Variants in CDC14A observed in about 807,000 individuals in gnomAD.
CDC14A encodes the protein cell division cycle 14A, also known as dual specificity protein phosphatase CDC14A.
A neutral mutation model predicts 74.4 loss-of-function variants in CDC14A; 53 were observed. That is an observed-to-expected ratio of 0.71 (90% confidence interval 0.57 to 0.89). The LOEUF (loss-of-function observed/expected upper bound fraction) is 0.89. Ranked by LOEUF, CDC14A falls within the 40% of genes least tolerant of loss-of-function variation. The pLI, the probability that CDC14A is intolerant of heterozygous loss-of-function variation, is 0.00. For synonymous variants in CDC14A, 247 were observed against 258.4 expected (o/e 0.96, Z 0.43); for missense variants, 646 against 713.7 (o/e 0.91, Z 1.08).
At position 100,519,704 on chromosome 1, in the gene CDC14A, A is replaced by G. The variant is rs1010196543; in HGVS notation, c.*1424A>G. ...AGGTTTGTTAAATTAACCTTCAGTA[A>G]CTGCAGTACCAAAAATTACACTCAA... On this transcript the variant is annotated 3_prime_UTR_variant, in exon 16 of 16. Transcript: ENST00000336454. 3.9e-5 allele frequency: 6 copies of G among 152,582 alleles called. No homozygotes were observed. The highest frequency in any genetic ancestry group is 1.4e-4 in the African/African-American group (6 of 41,448). 9.5% of individuals were successfully genotyped at this position (152,582 alleles called of 1,614,324 possible).
Position 100,518,505 on chromosome 1 carries a change from T to C in CDC14A, c.*225T>C. ...CTATGTTTATGGAGATTTCCATACT[T>C]TTAAAGACAGTTTTAATGTTGAATT... is the stretch of plus-strand genomic sequence containing the variant. On this transcript the variant is annotated 3_prime_UTR_variant, in exon 16 of 16. Coordinates refer to ENST00000336454, the MANE Select transcript of CDC14A (RefSeq NM_003672.4). 1 of 459,282 alleles carries C rather than the reference T, an allele frequency of 2.2e-6. No homozygotes were observed. The highest frequency in any genetic ancestry group is 3.9e-6 in the Non-Finnish European group (1 of 254,968). 28.5% of individuals were successfully genotyped at this position (459,282 alleles called of 1,614,324 possible).
chr1:100,412,222 T>C (rs72730151), intron 4 of CDC14A, among the ~76,000 whole-genome samples: 10,345 of 152,212 alleles, frequency 0.068, 518 homozygotes, highest in East Asian at 0.18. Context: ...GGTACAGTTA[T>C]CTGTATCGTT....
intron 4 of CDC14A, among the ~76,000 whole-genome samples, chr1:100,412,698 A>ATATATATATATATATATATATATATATTT (rs1660878445): frequency 5.7e-5 from 2 of 35,314 alleles, no homozygotes; most frequent in East Asian, 1.2e-3. Context: ...TGTATGTTTT[A>ATATATATATATATATATATATATATATTT]TATATATATA....
At chr1:100,390,972 G>A (rs1270944661) in intron 4 of CDC14A, 148 bp downstream of exon 4, 1 of 696,470 alleles carries the variant, frequency 1.4e-6, no homozygotes, top group South Asian at 1.5e-5. Context: ...GAGAAATATG[G>A]ACTAGCAGTG....
upstream of CDC14A, chr1:100,351,606 TC>T (rs1651010243): frequency 3.1e-6 from 2 of 654,920 alleles, no homozygotes; most frequent in Non-Finnish European, 5.3e-6. Context: ...ACCAGTGGAC[TC>T]TCCTCTCTCT....
chr1:100,469,174 C>T (rs678247), intron 10 of CDC14A, among the ~76,000 whole-genome samples: 142,526 of 152,296 alleles, frequency 0.94, 67,230 homozygotes, highest in Non-Finnish European at 1. Context: ...CGTAAAGAAA[C>T]GATCATGAAT....
In CDC14A at chr1:100,498,188, TC is replaced by T; in HGVS notation, c.1403del (p.Ser468TrpfsTer5). 1 of 1,614,112 alleles carries T rather than the reference TC, an allele frequency of 6.2e-7. No homozygotes were observed. Among genetic ancestry groups the T allele is most frequent in the Non-Finnish European group, 8.5e-7 (1 of 1,179,974 alleles). On this transcript the variant is annotated frameshift_variant, in exon 14 of 16. Transcript: ENST00000336454. LOFTEE classifies it high-confidence loss of function. ...AKRINRTSLS[S>X]GATVRSFSIN... ...GAGGATCAACAGAACTTCTTTGTCTTCGGGTGCCACTGTAAGAAGGTAATTT... is the reference window on the plus strand; with the variant it reads ...GAGGATCAACAGAACTTCTTTGTCTTGGGTGCCACTGTAAGAAGGTAATTT...
chr1:100,392,921 T>A, intron 4 of CDC14A: 12 of 696,934 alleles, frequency 1.7e-5, no homozygotes, highest in Non-Finnish European at 2.9e-5. Context: ...CTATGATTTC[T>A]AAACATTTAA....
At chr1:100,451,535 A>G (rs561899538) in intron 7 of CDC14A, among the ~76,000 whole-genome samples, 6 of 152,366 alleles carry the variant, frequency 3.9e-5, no homozygotes, top group African/African-American at 1.2e-4. Context: ...TCCTTACAGC[A>G]TATTTGCATT....
chr1:100,504,757 A>G, intron 15 of CDC14A: 3 of 1,318,350 alleles, frequency 2.3e-6, no homozygotes, highest in Middle Eastern at 1.8e-4. Flanking sequence ...TTTCTGTAGT[A>G]TTGTATCTTT....
At chr1:100,369,728 A>G (rs948530952) in intron 2 of CDC14A, among the ~76,000 whole-genome samples, 5 of 152,144 alleles carry the variant, frequency 3.3e-5, no homozygotes, top group Non-Finnish European at 7.4e-5. Flanking sequence ...CTTTAGTTTA[A>G]TTAGGTCCCA....
At chr1:100,407,310 A>G (rs982990389) in intron 4 of CDC14A, among the ~76,000 whole-genome samples, 1 of 151,950 alleles carries the variant, frequency 6.6e-6, no homozygotes, top group African/African-American at 2.4e-5. Context: ...CATTTTCACG[A>G]TATTGATTCT....
chr1:100,352,585 G>A lies in CDC14A; in HGVS notation c.-370G>A. ...GCCACGGGCGCGATCGGGACCAGAA[G>A]TCTCCTCCTCCATGATCACTTTGGA... is the stretch of plus-strand genomic sequence containing the variant. On this transcript the variant is annotated 5_prime_UTR_variant, in exon 1 of 16. Coordinates refer to ENST00000336454, the MANE Select transcript of CDC14A (RefSeq NM_003672.4). 2 of 1,090,652 alleles carry A rather than the reference G, an allele frequency of 1.8e-6. No homozygotes were observed. The highest frequency in any genetic ancestry group is 2.7e-5 in the South Asian group (1 of 36,458). 67.6% of individuals were successfully genotyped at this position (1,090,652 alleles called of 1,614,324 possible). A position where few individuals can be genotyped will look rare whatever the true frequency, so the allele number is the denominator to read the frequency against.
Position 100,412,740 on chromosome 1 carries a change from TTA to T in CDC14A, c.310-11470_310-11469del, listed in dbSNP as rs1223236120. ...TATATATATTTTATATATATATATT[TTA>T]TATATATATATTTTATATATATATA... On this transcript the variant is annotated intron_variant, in intron 4 of 15. Coordinates refer to ENST00000336454, the MANE Select transcript of CDC14A (RefSeq NM_003672.4). 1.8e-3 allele frequency among the ~76,000 whole-genome samples: 179 copies of T among 99,848 alleles called. 5 individuals carry two copies. Among genetic ancestry groups the T allele is most frequent in the African/African-American group, 8.3e-3 (136 of 16,300 alleles). The allele number at this position is 99,848 out of a possible 152,430, so 65.5% of individuals were successfully genotyped here. A position where few individuals can be genotyped will look rare whatever the true frequency, so the allele number is the denominator to read the frequency against.
chr1:100,404,832 AAAAACAAAACAAAAC>A (rs368610741), intron 4 of CDC14A, among the ~76,000 whole-genome samples: 7 of 121,566 alleles, frequency 5.8e-5, no homozygotes, highest in Admixed American at 2.4e-4. Flanking sequence ...TCCGTCTCAA[AAAAACAAAACAAAAC>A]AAAACAAAAC....
At chr1:100,502,074 T>C (rs775196801) in intron 15 of CDC14A, among the ~76,000 whole-genome samples, 7 of 152,142 alleles carry the variant, frequency 4.6e-5, no homozygotes, top group Non-Finnish European at 8.8e-5. Flanking sequence ...AACAATTAAG[T>C]TTATAAAATA....
intron 9 of CDC14A, among the ~76,000 whole-genome samples, chr1:100,467,183 GT>G (rs1379902250): frequency 6.6e-6 from 1 of 152,070 alleles, no homozygotes; most frequent in Non-Finnish European, 1.5e-5. Context: ...GCATGTCATA[GT>G]TTAATTTTTT....
chr1:100,379,749 C>T (rs1329079441), intron 3 of CDC14A, among the ~76,000 whole-genome samples: 6 of 152,160 alleles, frequency 3.9e-5, no homozygotes, highest in Admixed American at 6.5e-5. Flanking sequence ...GTACATGAAT[C>T]GTGGCACCAA....
At chr1:100,410,177 A>T (rs942651628) in intron 4 of CDC14A, among the ~76,000 whole-genome samples, 1 of 151,408 alleles carries the variant, frequency 6.6e-6, no homozygotes, top group Non-Finnish European at 1.5e-5. Flanking sequence ...GTGCTACTGC[A>T]CTCCAGCCTG....
Sources: allele counts gnomAD v4.1 joint callset (sites outside exome capture counted in the v4.1 genomes callset), GRCh38; gene constraint gnomAD v4.1.1; transcripts MANE v1.5; gene names NCBI Gene and HGNC (gene_info 2026-07-23, HGNC 2026-07-21).